The following TANC1 variants were observed in gnomAD, a reference collection of about 807,000 sequenced individuals.
The protein encoded by TANC1 is tetratricopeptide repeat, ankyrin repeat and coiled-coil containing 1, also known as protein TANC1.
Under a neutral mutation model 149.7 loss-of-function variants are expected in TANC1, and 77 were observed. The observed-to-expected ratio is 0.51, with a 90% CI of 0.43 to 0.62. The LOEUF is 0.62. Among genes scored for constraint, TANC1 ranks in the 20% least tolerant of loss-of-function variants. The pLI is 0.00. For synonymous variants in TANC1, 854 were observed against 925.0 expected (o/e 0.92, Z 1.39); for missense variants, 1,985 against 2,321.8 (o/e 0.85, Z 2.98).
chr2:159,116,456 A>ACAAC (rs1553559594), intron 4 of TANC1, among the ~76,000 whole-genome samples: 78 of 138,244 alleles, frequency 5.6e-4, no homozygotes, highest in East Asian at 3.2e-3. Context: ...AACAACAACA[A>ACAAC]AAAAAAAAAA....
chr2:159,099,600 C>T (rs2046470627), intron 4 of TANC1, among the ~76,000 whole-genome samples: 1 of 151,974 alleles, frequency 6.6e-6, no homozygotes, highest in Non-Finnish European at 1.5e-5. Context: ...TGTGCGCACA[C>T]ATTTTCTTGT....
At chr2:159,037,482 G>GT (rs2040287001) in intron 2 of TANC1, among the ~76,000 whole-genome samples, 1 of 152,186 alleles carries the variant, frequency 6.6e-6, no homozygotes. Context: ...GGCTTTCATG[G>GT]TTTTAGGTCT....
intron 5 of TANC1, among the ~76,000 whole-genome samples, chr2:159,143,069 A>G (rs2051570137): frequency 1.3e-5 from 1 of 76,498 alleles, no homozygotes; most frequent in African/African-American, 3.8e-5. Flanking sequence ...TCTCAAAAAA[A>G]AAAAAAAAAC....
Position 159,019,904 on chromosome 2 carries a change from T to TA in TANC1, c.-16+18716dup, listed in dbSNP as rs548876018. Among the ~76,000 whole-genome samples the TA allele has an allele frequency of 1.3e-4, 20 of 151,848 alleles. No homozygotes were observed. The South Asian group carries it at 4.2e-3, about 32-fold the overall frequency. ...CAGGGGTGCAGCTGCAGCTTTCATATAGCAATGGTCAGTAAATGCATGCTG... is the reference window on the plus strand; with the variant it reads ...CAGGGGTGCAGCTGCAGCTTTCATATAAGCAATGGTCAGTAAATGCATGCTG... On this transcript the variant is annotated intron_variant, in intron 2 of 26. Transcript: ENST00000263635.
intron 16 of TANC1, among the ~76,000 whole-genome samples, chr2:159,192,056 G>A (rs189086598): frequency 1.2e-4 from 18 of 152,140 alleles, no homozygotes; most frequent in East Asian, 3.9e-4. Flanking sequence ...TAAAATTTGC[G>A]TATGTTCAGT....
chr2:159,229,026 A>G (rs969712082), intron 26 of TANC1, 130 bp downstream of exon 26: 4 of 669,232 alleles, frequency 6.0e-6, no homozygotes, highest in Non-Finnish European at 5.3e-6. Flanking sequence ...GTAGTGAATT[A>G]GTATTACTAC....
intron 3 of TANC1, among the ~76,000 whole-genome samples, chr2:159,094,606 G>A (rs1340751338): frequency 6.6e-6 from 1 of 152,210 alleles, no homozygotes; most frequent in East Asian, 1.9e-4. Context: ...TGAAGGGAAA[G>A]CAGCTGGGAA....
intron 5 of TANC1, among the ~76,000 whole-genome samples, chr2:159,141,899 C>T (rs1414717223): frequency 2.0e-5 from 3 of 152,132 alleles, no homozygotes; most frequent in Admixed American, 2.0e-4. Flanking sequence ...ACAATTGCCA[C>T]TTTATACCTT....
In TANC1 at chr2:159,231,062, G is replaced by A. The variant is rs758955564; in HGVS notation, c.*50G>A. 21 of 1,398,122 alleles carry A rather than the reference G, an allele frequency of 1.5e-5. No individual in the cohort carries two copies. In the South Asian group the frequency reaches 2.7e-4, roughly 18 times the overall value. 86.6% of individuals were successfully genotyped at this position (1,398,122 alleles called of 1,614,324 possible). A position where few individuals can be genotyped will look rare whatever the true frequency, so the allele number is the denominator to read the frequency against. ...AATTTGGAAACGTGTGTTGACTCCT[G>A]GTGGTAAATTAAATAGTTTTTTTCA... is the stretch of plus-strand genomic sequence containing the variant. On this transcript the variant is annotated 3_prime_UTR_variant, in exon 27 of 27. Coordinates refer to ENST00000263635, the MANE Select transcript of TANC1 (RefSeq NM_033394.3).
intron 19 of TANC1, among the ~76,000 whole-genome samples, chr2:159,203,716 G>GC (rs34318221): frequency 0.42 from 63,451 of 151,880 alleles, 13,549 homozygotes; most frequent in South Asian, 0.56. Context: ...ACAGGCATGA[G>GC]CCACCACACC....
intron 7 of TANC1, among the ~76,000 whole-genome samples, chr2:159,161,623 C>T (rs748056112): frequency 6.6e-6 from 1 of 152,218 alleles, no homozygotes; most frequent in African/African-American, 2.4e-5. Context: ...CTTCTGCTGT[C>T]AACACCACCA....
At chr2:159,124,994 C>T (rs1224416942) in intron 4 of TANC1, among the ~76,000 whole-genome samples, 1 of 149,928 alleles carries the variant, frequency 6.7e-6, no homozygotes, top group African/African-American at 2.4e-5. Flanking sequence ...CCTCCCACCT[C>T]AGCCTCACAA....
At chr2:159,228,153 C>T (rs2150991315) in intron 25 of TANC1, 188 bp downstream of exon 25, 2 of 627,892 alleles carry the variant, frequency 3.2e-6, no homozygotes, top group South Asian at 4.2e-5. Context: ...CTGCTACGCT[C>T]CTCGCATGAT....
rs115944798 is a variant in TANC1, at chr2:159,164,629, A to G, written c.946+1083A>G. Among the ~76,000 whole-genome samples, 1,061 of 152,342 alleles carry G rather than the reference A, an allele frequency of 7.0e-3. 10 individuals are homozygous for G. Among genetic ancestry groups the G allele is most frequent in the Middle Eastern group, 0.02 (6 of 294 alleles). On this transcript the variant is annotated intron_variant, in intron 8 of 26. Coordinates refer to ENST00000263635, the MANE Select transcript of TANC1 (RefSeq NM_033394.3). ...TACAGTCATTCTTTGTTATCAGTGT[A>G]GCACTTAACATTTCTCTTCTACTAC... is the stretch of plus-strand genomic sequence containing the variant.
At chr2:158,974,640 C>T (rs941782661) in intron 1 of TANC1, among the ~76,000 whole-genome samples, 5 of 152,142 alleles carry the variant, frequency 3.3e-5, no homozygotes, top group African/African-American at 1.2e-4. Flanking sequence ...ACCATGTTGG[C>T]CAGGCTGGTC....
At chr2:159,078,310 G>T (rs1171068626) in intron 3 of TANC1, among the ~76,000 whole-genome samples, 2 of 152,116 alleles carry the variant, frequency 1.3e-5, no homozygotes, top group Non-Finnish European at 2.9e-5. Flanking sequence ...TTTGTCTTGG[G>T]TTCAATAGCT....
chr2:159,092,920 G>A (rs1350310125), intron 3 of TANC1, among the ~76,000 whole-genome samples: 1 of 152,180 alleles, frequency 6.6e-6, no homozygotes, highest in Non-Finnish European at 1.5e-5. Flanking sequence ...GAGAATGTTA[G>A]AGCCTGAGCT....
intron 4 of TANC1, among the ~76,000 whole-genome samples, chr2:159,114,642 AT>A (rs2048057106): frequency 6.6e-6 from 1 of 152,162 alleles, no homozygotes; most frequent in African/African-American, 2.4e-5. Context: ...TTTTATTTGC[AT>A]TTTGACACTC....
chr2:158,977,826 T>TC (rs1217247166), intron 1 of TANC1, among the ~76,000 whole-genome samples: 3 of 152,040 alleles, frequency 2.0e-5, no homozygotes, highest in Admixed American at 2.0e-4. Context: ...GGCCCAGCTG[T>TC]CCTCTCCTTG....
Sources: gnomAD v4.1 joint callset for allele counts (sites outside exome capture counted in the v4.1 genomes callset) on GRCh38, gnomAD v4.1.1 for gene constraint, MANE v1.5 for transcripts, NCBI Gene and HGNC (gene_info 2026-07-23, HGNC 2026-07-21) for gene names.